The following ASIC2 variants were observed in gnomAD, a reference collection of about 807,000 sequenced individuals.
The protein encoded by ASIC2 is acid sensing ion channel subunit 2.
A neutral mutation model predicts 57.3 loss-of-function variants in ASIC2; 25 were observed. The ratio of observed to expected loss-of-function variants is 0.44; its 90% CI spans 0.32 to 0.61. The LOEUF is 0.61. Ranked by LOEUF, ASIC2 falls within the 20% of genes least tolerant of loss-of-function variation. The probability of loss-of-function intolerance (pLI) is 0.06; values close to 1 mark genes in which losing one functional copy is unlikely to be tolerated. For synonymous variants in ASIC2, 319 were observed against 307.5 expected (o/e 1.04, Z -0.39); for missense variants, 641 against 738.1 (o/e 0.87, Z 1.52).
intron 1 of ASIC2, among the ~76,000 whole-genome samples, chr17:33,775,012 C>T (rs368741796): frequency 1.3e-5 from 2 of 152,090 alleles, no homozygotes; most frequent in Non-Finnish European, 2.9e-5. Flanking sequence ...ACAGAGTATC[C>T]AAAAGAGACA....
chr17:33,469,610 C>G (rs1912976334), intron 1 of ASIC2, among the ~76,000 whole-genome samples: 2 of 152,316 alleles, frequency 1.3e-5, no homozygotes, highest in South Asian at 4.1e-4. Context: ...CAAAGAGTCT[C>G]AGCTGTGGAC....
In ASIC2 at chr17:33,320,376, G is replaced by A. The variant is rs144365220; in HGVS notation, c.556-208309C>T. Among the ~76,000 whole-genome samples the A allele has an allele frequency of 4.2e-4, 64 of 152,210 alleles. No homozygotes were observed. In the East Asian group the frequency reaches 0.011, roughly 26 times the overall value. On this transcript the variant is annotated intron_variant, in intron 1 of 9. Transcript: ENST00000359872. Reference sequence around the variant, plus strand: ...CTTTAAAGGGTTTCATTTTTATTGCGATAGCTCTTGGTGCCTCACTCTTAC... The same window carrying A: ...CTTTAAAGGGTTTCATTTTTATTGCAATAGCTCTTGGTGCCTCACTCTTAC...
intron 1 of ASIC2, among the ~76,000 whole-genome samples, chr17:34,068,423 T>C (rs958351866): frequency 6.6e-6 from 1 of 152,212 alleles, no homozygotes; most frequent in Non-Finnish European, 1.5e-5. Flanking sequence ...CTTTCCCTGG[T>C]TCGATAAGCT....
chr17:34,113,018 G>GTT (rs1911322275), intron 1 of ASIC2, among the ~76,000 whole-genome samples: 1 of 152,068 alleles, frequency 6.6e-6, no homozygotes, highest in Middle Eastern at 3.2e-3. Flanking sequence ...ATTCATCAGG[G>GTT]GCTAAGCAAG....
intron 1 of ASIC2, among the ~76,000 whole-genome samples, chr17:33,868,870 C>T (rs1479994279): frequency 6.6e-6 from 1 of 152,122 alleles, no homozygotes; most frequent in Non-Finnish European, 1.5e-5. Flanking sequence ...TTAAGACCAG[C>T]CAGGGAAACA....
intron 1 of ASIC2, among the ~76,000 whole-genome samples, chr17:33,877,287 A>G (rs1339147948): frequency 1.3e-5 from 2 of 152,182 alleles, no homozygotes; most frequent in Non-Finnish European, 2.9e-5. Flanking sequence ...CAGTGGGTGC[A>G]GCACACCGAG....
chr17:33,264,351 C>A (rs1909385764), intron 1 of ASIC2, among the ~76,000 whole-genome samples: 1 of 152,262 alleles, frequency 6.6e-6, no homozygotes, highest in Non-Finnish European at 1.5e-5. Flanking sequence ...AAGTGCTTTG[C>A]ATGGATTGCC....
At chr17:34,135,968 AC>A (rs2142132625) in intron 1 of ASIC2, among the ~76,000 whole-genome samples, 1 of 151,830 alleles carries the variant, frequency 6.6e-6, no homozygotes, top group African/African-American at 2.4e-5. Flanking sequence ...AATTATAAGC[AC>A]CCCCACCAAC....
chr17:33,073,303 A>G (rs1470070574), intron 3 of ASIC2, among the ~76,000 whole-genome samples: 1 of 152,210 alleles, frequency 6.6e-6, no homozygotes, highest in Non-Finnish European at 1.5e-5. Flanking sequence ...TTAATCAAGG[A>G]TCTCATTTTC....
At chr17:33,890,933 T>G (rs140323081) in intron 1 of ASIC2, among the ~76,000 whole-genome samples, 76 of 151,442 alleles carry the variant, frequency 5.0e-4, no homozygotes, top group African/African-American at 1.8e-3. Context: ...GACACTCTGA[T>G]CCACCCCAAG....
chr17:33,826,819 T>C (rs1174366155), intron 1 of ASIC2, among the ~76,000 whole-genome samples: 1 of 152,176 alleles, frequency 6.6e-6, no homozygotes, highest in Non-Finnish European at 1.5e-5. Flanking sequence ...ATAGTGTCTG[T>C]CTACCCTCGA....
intron 1 of ASIC2, among the ~76,000 whole-genome samples, chr17:34,100,982 T>G (rs535976042): frequency 6.6e-6 from 1 of 152,324 alleles, no homozygotes; most frequent in South Asian, 2.1e-4. Flanking sequence ...TTATCAGCTG[T>G]AAAAGGGGGT....
At chr17:33,100,289 T>G (rs2141976563) in intron 2 of ASIC2, 1 of 152,482 alleles carries the variant, frequency 6.6e-6, no homozygotes, top group Middle Eastern at 3.3e-3. Flanking sequence ...GGTCTCATCC[T>G]TAGATACAGA....
chr17:34,058,972 G>C (rs1908869292), intron 1 of ASIC2, among the ~76,000 whole-genome samples: 1 of 152,202 alleles, frequency 6.6e-6, no homozygotes, highest in Admixed American at 6.5e-5. Context: ...GCAGAACCAA[G>C]ATTTAACAAT....
chr17:33,677,517 G>T (rs1022474033), intron 1 of ASIC2, among the ~76,000 whole-genome samples: 3 of 152,174 alleles, frequency 2.0e-5, no homozygotes, highest in Admixed American at 2.0e-4. Context: ...TTCTGGAAAG[G>T]ATTCACCATT....
intron 1 of ASIC2, among the ~76,000 whole-genome samples, chr17:33,612,388 A>G (rs1416702303): frequency 6.6e-6 from 1 of 152,170 alleles, no homozygotes; most frequent in Non-Finnish European, 1.5e-5. Flanking sequence ...GCTTTGAGAG[A>G]TTAAAAAAAA....
chr17:33,876,075 C>T (rs1363508949), intron 1 of ASIC2, among the ~76,000 whole-genome samples: 3 of 152,140 alleles, frequency 2.0e-5, no homozygotes, highest in Non-Finnish European at 2.9e-5. Context: ...TACTTGGGAT[C>T]GAGATTCAAA....
At chr17:33,770,737 G>C (rs1911075401) in intron 1 of ASIC2, among the ~76,000 whole-genome samples, 1 of 152,284 alleles carries the variant, frequency 6.6e-6, no homozygotes, top group South Asian at 2.1e-4. Flanking sequence ...TCCTTGGTTA[G>C]AATTGAAATA....
At chr17:33,980,024 G>A (rs74622286) in intron 1 of ASIC2, among the ~76,000 whole-genome samples, 3,964 of 152,164 alleles carry the variant, frequency 0.026, 72 homozygotes, top group East Asian at 0.069. Flanking sequence ...TCTGAGCTGG[G>A]CTCCAGCTGG....
Sources: gnomAD v4.1 joint callset for allele counts (sites outside exome capture counted in the v4.1 genomes callset) on GRCh38, gnomAD v4.1.1 for gene constraint, MANE v1.5 for transcripts, NCBI Gene and HGNC (gene_info 2026-07-23, HGNC 2026-07-21) for gene names.